ACACB: variants seen among roughly 807,000 people sequenced by gnomAD.
ACACB encodes acetyl-CoA carboxylase beta, also known as acetyl-CoA carboxylase 2.
A neutral mutation model predicts 278.8 loss-of-function variants in ACACB; 209 were observed. That is an observed-to-expected ratio of 0.75 (90% CI 0.67 to 0.84). The LOEUF (loss-of-function observed/expected upper bound fraction) is 0.84, where lower values mean the gene tolerates loss of function less well. Among genes scored for constraint, ACACB ranks in the 40% least tolerant of loss-of-function variants. The probability of loss-of-function intolerance (pLI) is 0.00; values close to 1 mark genes in which losing one functional copy is unlikely to be tolerated. For synonymous variants in ACACB, 1,174 were observed against 1,285.6 expected, an observed-to-expected ratio of 0.91 and a Z score of 1.86; for missense variants, 2,850 against 3,269.0, an observed-to-expected ratio of 0.87 and a Z score of 3.13.
At position 109,185,592 on chromosome 12, in the gene ACACB, T is replaced by C. The variant is rs567060031; in HGVS notation, c.1832T>C (p.Val611Ala). Residue 611 changes from valine to alanine, a missense_variant, in exon 12 of 53, where the codon GTG becomes GCG. Around this residue, in one of 3 missense-constraint regions of ACACB, gnomAD observed 2,265 missense variants for 2,561.3 expected, o/e 0.88. Coordinates refer to ENST00000338432, the MANE Select transcript of ACACB (RefSeq NM_001093.4). ...TCTTGATTTTAGATCGCCATGGGCG[T>C]GCCACTGCACCGGCTGAAGGATATC... ...PAAQLQIAMG[V>A]PLHRLKDIRL... 63 of 1,613,880 alleles carry C rather than the reference T, an allele frequency of 3.9e-5. No individual in the cohort carries two copies. The East Asian group carries it at 1.1e-3, about 29-fold the overall frequency.
chr12:109,166,089 C>T (rs2043886430), intron 2 of ACACB, among the ~76,000 whole-genome samples: 1 of 152,022 alleles, frequency 6.6e-6, no homozygotes, highest in Admixed American at 6.6e-5. Flanking sequence ...CCAGCCTGGG[C>T]AACAAAGTGA....
At chr12:109,240,730 G>A (rs1279425918) in intron 35 of ACACB, among the ~76,000 whole-genome samples, 1 of 151,878 alleles carries the variant, frequency 6.6e-6, no homozygotes, top group African/African-American at 2.4e-5. Context: ...ACTAGTTCAG[G>A]TAGTTCCAGA....
At chr12:109,172,595 A>G (rs1174575148) in intron 6 of ACACB, among the ~76,000 whole-genome samples, 1 of 152,254 alleles carries the variant, frequency 6.6e-6, no homozygotes, top group Non-Finnish European at 1.5e-5. Context: ...GCCAACAAGC[A>G]TATGAAAAAA....
chr12:109,232,580 C>T, intron 28 of ACACB, 89 bp from the exon 29 acceptor site: 1 of 1,495,802 alleles, frequency 6.7e-7, no homozygotes, highest in Non-Finnish European at 9.1e-7. Context: ...AAATCTGGTC[C>T]AGCTCACTGA....
chr12:109,193,789 T>G, intron 16 of ACACB, 60 bp downstream of exon 16: 4 of 1,455,164 alleles, frequency 2.7e-6, no homozygotes, highest in Non-Finnish European at 3.9e-6. Context: ...GGGAGTTTCT[T>G]TCTTCCATGA....
chr12:109,138,800 CAG>C (rs983889224), intron 1 of ACACB, among the ~76,000 whole-genome samples: 21 of 152,240 alleles, frequency 1.4e-4, no homozygotes, highest in African/African-American at 4.1e-4. Context: ...TTGCAGTGAG[CAG>C]AGATTGCGGC....
chr12:109,196,972 T>A (rs571856478), intron 16 of ACACB, 36 bp from the exon 17 acceptor site: 2 of 1,516,874 alleles, frequency 1.3e-6, no homozygotes, highest in Non-Finnish European at 1.8e-6. Flanking sequence ...GAGCACATCC[T>A]GAACCCAGGC....
chr12:109,201,497 C>G (rs1373389940), intron 18 of ACACB, 70 bp from the exon 19 acceptor site: 1 of 1,585,072 alleles, frequency 6.3e-7, no homozygotes, highest in African/African-American at 1.3e-5. Context: ...GCTCCGGCAT[C>G]ACTAGTTCTG....
chr12:109,136,141 T>C (rs1425335649), intron 1 of ACACB, among the ~76,000 whole-genome samples: 1 of 152,184 alleles, frequency 6.6e-6, no homozygotes, highest in Non-Finnish European at 1.5e-5. Flanking sequence ...CATTGGATGG[T>C]CTTGATATCC....
At chr12:109,176,411 G>A (rs765460243) in intron 9 of ACACB, 148 bp downstream of exon 9, 22 of 732,566 alleles carry the variant, frequency 3.0e-5, no homozygotes, top group East Asian at 7.8e-5. Flanking sequence ...TGCAACAAAC[G>A]CGTACATTTT....
chr12:109,120,350 G>T (rs1566135732), intron 1 of ACACB, among the ~76,000 whole-genome samples: 1 of 152,182 alleles, frequency 6.6e-6, no homozygotes, highest in African/African-American at 2.4e-5. Flanking sequence ...TTTGGCCCTA[G>T]AAATGTTATT....
chr12:109,133,863 A>ATTTTTTTTT (rs67896522), intron 1 of ACACB, among the ~76,000 whole-genome samples: 2 of 70,656 alleles, frequency 2.8e-5, no homozygotes, highest in African/African-American at 8.9e-5. Flanking sequence ...ATATATATAT[A>ATTTTTTTTT]TTTTTTTTTT....
At chr12:109,137,942 G>A (rs1457605101) in intron 1 of ACACB, among the ~76,000 whole-genome samples, 2 of 149,844 alleles carry the variant, frequency 1.3e-5, no homozygotes, top group East Asian at 2.0e-4. Flanking sequence ...TCTGTTGCCC[G>A]GGCTGGAATG....
chr12:109,224,926 T>A (rs73191165), intron 27 of ACACB, among the ~76,000 whole-genome samples: 1 of 152,120 alleles, frequency 6.6e-6, no homozygotes, highest in African/African-American at 2.4e-5. Flanking sequence ...CAGTCCCCTG[T>A]TGCCCCCACT....
intron 28 of ACACB, among the ~76,000 whole-genome samples, chr12:109,230,872 T>G (rs549344178): frequency 1.3e-5 from 2 of 152,306 alleles, no homozygotes; most frequent in South Asian, 4.1e-4. Context: ...CACAGGGTCC[T>G]TTTTTGACCC....
chr12:109,198,794 T>A (rs959714538), intron 17 of ACACB, among the ~76,000 whole-genome samples: 7 of 152,262 alleles, frequency 4.6e-5, no homozygotes, highest in Non-Finnish European at 8.8e-5. Flanking sequence ...CTATTTTTTT[T>A]TTTTTATTTT....
chr12:109,179,046 G>GGAA, intron 9 of ACACB, 42 bp from the exon 10 acceptor site: 7 of 1,582,412 alleles, frequency 4.4e-6, no homozygotes, highest in Non-Finnish European at 6.0e-6. Flanking sequence ...TTCCAGAGCT[G>GGAA]GTTTCCCCAT....
At chr12:109,210,188 CGTGTGTATATGTATATATGTATATAT>C (rs1565926875) in intron 21 of ACACB, among the ~76,000 whole-genome samples, 55 of 13,754 alleles carry the variant, frequency 4.0e-3, no homozygotes, top group Admixed American at 7.4e-3. Context: ...TATATACACA[CGTGTGTATATGTATATATGTATATAT>C]ACACACATGT....
intron 20 of ACACB, among the ~76,000 whole-genome samples, chr12:109,208,806 C>T (rs896838985): frequency 2.0e-5 from 3 of 152,126 alleles, no homozygotes; most frequent in Non-Finnish European, 4.4e-5. Flanking sequence ...TATATGGTTG[C>T]TTTTAGGGAT....
Sources: allele counts gnomAD v4.1 joint callset (sites outside exome capture counted in the v4.1 genomes callset), GRCh38; gene constraint gnomAD v4.1.1; regional missense constraint gnomAD v4.1.1; transcripts MANE v1.5; gene names NCBI Gene and HGNC (gene_info 2026-07-23, HGNC 2026-07-21).